Variants in AGBL1 observed in about 807,000 individuals in gnomAD.
AGBL1 encodes AGBL carboxypeptidase 1.
Under a neutral mutation model 118.9 loss-of-function variants are expected in AGBL1, and 130 were observed. The observed-to-expected ratio is 1.09, with a 90% confidence interval of 0.95 to 1.26. The LOEUF (loss-of-function observed/expected upper bound fraction) is 1.26, where lower values mean the gene tolerates loss of function less well. AGBL1 is among the 50% of genes most tolerant of loss of function. The pLI, the probability that AGBL1 is intolerant of heterozygous loss-of-function variation, is 0.00. For synonymous variants in AGBL1, 555 were observed against 478.9 expected, an observed-to-expected ratio of 1.16 and a Z score of -2.08; for missense variants, 1,584 against 1,298.1, an observed-to-expected ratio of 1.22 and a Z score of -3.38.
chr15:86,473,183 T>C (rs936439704), intron 18 of AGBL1, among the ~76,000 whole-genome samples: 1 of 152,166 alleles, frequency 6.6e-6, no homozygotes, highest in Non-Finnish European at 1.5e-5. Flanking sequence ...CACAAAAATA[T>C]AGGTTTGGGT....
intron 22 of AGBL1, among the ~76,000 whole-genome samples, chr15:86,863,625 T>C (rs2079588015): frequency 6.6e-6 from 1 of 151,960 alleles, no homozygotes; most frequent in African/African-American, 2.4e-5. Flanking sequence ...TTGGTCTGGG[T>C]AGGTATTGGG....
At chr15:86,148,307 AAG>A (rs2077058913) in intron 3 of AGBL1, among the ~76,000 whole-genome samples, 1 of 152,198 alleles carries the variant, frequency 6.6e-6, no homozygotes, top group South Asian at 2.1e-4. Context: ...TGGGCTTCAA[AAG>A]GTCGGTAATA....
intron 19 of AGBL1, among the ~76,000 whole-genome samples, chr15:86,537,442 C>G (rs548804372): frequency 6.6e-6 from 1 of 152,318 alleles, no homozygotes; most frequent in East Asian, 1.9e-4. Flanking sequence ...GCTTCTCTCC[C>G]TTCAATGTCT....
intron 22 of AGBL1, among the ~76,000 whole-genome samples, chr15:86,780,051 T>G (rs751702154): frequency 3.9e-5 from 6 of 152,340 alleles, no homozygotes; most frequent in Non-Finnish European, 7.3e-5. Flanking sequence ...TAAGAAATCT[T>G]TGCCTACTCT....
At chr15:86,413,057 C>G (rs911401543) in intron 18 of AGBL1, among the ~76,000 whole-genome samples, 1 of 152,042 alleles carries the variant, frequency 6.6e-6, no homozygotes, top group Non-Finnish European at 1.5e-5. Flanking sequence ...TATTTTGATT[C>G]TAGATCCTGC....
At chr15:86,265,499 A>G (rs1597650030) in intron 11 of AGBL1, among the ~76,000 whole-genome samples, 1 of 152,232 alleles carries the variant, frequency 6.6e-6, no homozygotes, top group East Asian at 1.9e-4. Flanking sequence ...CTCCTTGAAA[A>G]AAAACTGTAT....
intron 22 of AGBL1, among the ~76,000 whole-genome samples, chr15:86,797,670 A>C (rs573020362): frequency 6.6e-6 from 1 of 152,306 alleles, no homozygotes; most frequent in East Asian, 1.9e-4. Context: ...CAGGAAAAAA[A>C]GGTAGAAATG....
chr15:86,292,737 A>T (rs994901620), intron 16 of AGBL1, among the ~76,000 whole-genome samples: 1 of 152,196 alleles, frequency 6.6e-6, no homozygotes. Flanking sequence ...TGGACACTGT[A>T]AGGCAAGGAT....
intron 22 of AGBL1, among the ~76,000 whole-genome samples, chr15:86,774,179 C>T (rs538068952): frequency 7.2e-5 from 11 of 152,128 alleles, no homozygotes; most frequent in South Asian, 2.1e-4. Flanking sequence ...AACCTGAGCC[C>T]GATGCTGTAT....
At chr15:86,687,865 TA>T (rs2086088915) in intron 22 of AGBL1, among the ~76,000 whole-genome samples, 1 of 152,148 alleles carries the variant, frequency 6.6e-6, no homozygotes, top group Non-Finnish European at 1.5e-5. Context: ...GAGAGACCCA[TA>T]CACACTGGCA....
At chr15:86,923,513 A>G (rs2080501307) in intron 23 of AGBL1, among the ~76,000 whole-genome samples, 1 of 152,158 alleles carries the variant, frequency 6.6e-6, no homozygotes, top group Non-Finnish European at 1.5e-5. Context: ...TATCTTTTGT[A>G]ACTCCTACTC....
chr15:86,855,219 G>A (rs568282661), intron 22 of AGBL1, among the ~76,000 whole-genome samples: 14 of 152,256 alleles, frequency 9.2e-5, no homozygotes, highest in Middle Eastern at 3.4e-3. Context: ...TTTAAAGTTC[G>A]TTTCCACGAT....
At chr15:86,852,158 C>A (rs1411841767) in intron 22 of AGBL1, among the ~76,000 whole-genome samples, 3 of 152,052 alleles carry the variant, frequency 2.0e-5, no homozygotes, top group Non-Finnish European at 1.5e-5. Flanking sequence ...GCTGGAGAGG[C>A]CTCAGGAAAC....
intron 22 of AGBL1, among the ~76,000 whole-genome samples, chr15:86,744,191 G>A (rs936765336): frequency 1.3e-5 from 2 of 152,038 alleles, no homozygotes; most frequent in African/African-American, 4.8e-5. Context: ...AGTTAAGGCA[G>A]GACTTCCTAT....
intron 15 of AGBL1, among the ~76,000 whole-genome samples, chr15:86,273,095 G>A (rs1263229023): frequency 1.3e-5 from 2 of 152,224 alleles, no homozygotes; most frequent in African/African-American, 4.8e-5. Flanking sequence ...GCTTGGACCT[G>A]AAAGTTAGTA....
intron 17 of AGBL1, among the ~76,000 whole-genome samples, chr15:86,366,196 C>A (rs928457530): frequency 1.3e-5 from 2 of 152,066 alleles, no homozygotes; most frequent in African/African-American, 4.8e-5. Flanking sequence ...TCATTCAGCT[C>A]CATTTCTTAA....
At chr15:86,475,735 T>C (rs953327739) in intron 18 of AGBL1, among the ~76,000 whole-genome samples, 3 of 152,110 alleles carry the variant, frequency 2.0e-5, no homozygotes, top group Non-Finnish European at 4.4e-5. Flanking sequence ...GCCACAAAGA[T>C]ACTCATCAAG....
chr15:86,816,452 C>G (rs2078859592), intron 22 of AGBL1, among the ~76,000 whole-genome samples: 1 of 152,106 alleles, frequency 6.6e-6, no homozygotes, highest in South Asian at 2.1e-4. Flanking sequence ...TGACAGGTGA[C>G]ATCGACACCA....
intron 22 of AGBL1, among the ~76,000 whole-genome samples, chr15:86,882,837 C>T (rs1390589864): frequency 1.3e-5 from 2 of 152,158 alleles, no homozygotes; most frequent in African/African-American, 4.8e-5. Flanking sequence ...AGACAGGAAC[C>T]TAATGGAAAT....
Sources: allele counts gnomAD v4.1 joint callset (sites outside exome capture counted in the v4.1 genomes callset), GRCh38; gene constraint gnomAD v4.1.1; transcripts MANE v1.5; gene names NCBI Gene and HGNC (gene_info 2026-07-23, HGNC 2026-07-21).